Variants in SYCP1 observed in about 807,000 individuals in gnomAD.
SYCP1 encodes the protein synaptonemal complex protein 1.
A neutral mutation model predicts 153.1 loss-of-function variants in SYCP1; 64 were observed. That is an observed-to-expected ratio of 0.42 (90% CI 0.34 to 0.51). The LOEUF is 0.51. Ranked by LOEUF, SYCP1 falls within the 20% of genes least tolerant of loss-of-function variation. The probability of loss-of-function intolerance (pLI) is 0.06; values close to 1 mark genes in which losing one functional copy is unlikely to be tolerated. For missense variants in SYCP1, 997 were observed against 1,049.0 expected (o/e 0.95, Z 0.68); for synonymous variants, 384 against 341.8 (o/e 1.12, Z -1.36).
chr1:114,889,238 G>A (rs936841960), intron 15 of SYCP1, among the ~76,000 whole-genome samples: 1 of 152,106 alleles, frequency 6.6e-6, no homozygotes, highest in African/African-American at 2.4e-5. Context: ...GGATTGCTGG[G>A]TCAAATGGTA....
At chr1:114,960,289 T>G (rs1671703200) in intron 27 of SYCP1, among the ~76,000 whole-genome samples, 1 of 147,554 alleles carries the variant, frequency 6.8e-6, no homozygotes, top group Admixed American at 6.8e-5. Flanking sequence ...TGCCTCAGCC[T>G]CCCGAGTAGC....
chr1:114,979,689 T>A (rs1673029352), intron 28 of SYCP1, among the ~76,000 whole-genome samples: 2 of 151,838 alleles, frequency 1.3e-5, no homozygotes, highest in South Asian at 4.1e-4. Context: ...AATGCAATTC[T>A]GAAAAAATTC....
intron 20 of SYCP1, among the ~76,000 whole-genome samples, chr1:114,921,394 C>T (rs1300701026): frequency 3.3e-5 from 5 of 151,792 alleles, no homozygotes; most frequent in Non-Finnish European, 5.9e-5. Flanking sequence ...ACTTAAGATA[C>T]GAGGCCAGGT....
At chr1:114,858,198 A>C (rs1664142905) in intron 5 of SYCP1, among the ~76,000 whole-genome samples, 1 of 152,122 alleles carries the variant, frequency 6.6e-6, no homozygotes, top group African/African-American at 2.4e-5. Context: ...AACTGTTTGT[A>C]TAATCAAAGT....
intron 27 of SYCP1, among the ~76,000 whole-genome samples, chr1:114,950,403 A>G (rs1402290309): frequency 6.6e-6 from 1 of 152,180 alleles, no homozygotes; most frequent in African/African-American, 2.4e-5. Flanking sequence ...GATTTATTGT[A>G]TACCTAAATT....
chr1:114,936,240 G>A (rs1417107524), intron 23 of SYCP1, among the ~76,000 whole-genome samples: 1 of 152,170 alleles, frequency 6.6e-6, no homozygotes, highest in East Asian at 1.9e-4. Flanking sequence ...ATGCAAGGCT[G>A]ATTCAACATA....
chr1:114,975,158 A>G (rs1030679125), intron 27 of SYCP1, among the ~76,000 whole-genome samples: 1 of 151,716 alleles, frequency 6.6e-6, no homozygotes, highest in Non-Finnish European at 1.5e-5. Flanking sequence ...TCTTTTGCCC[A>G]TTTTTGAATT....
chr1:114,912,241 T>A (rs1668228991), intron 18 of SYCP1, among the ~76,000 whole-genome samples: 1 of 152,018 alleles, frequency 6.6e-6, no homozygotes, highest in African/African-American at 2.4e-5. Context: ...ATCTATTAAC[T>A]AATGTCCCTT....
Position 114,981,336 on chromosome 1 carries a change from A to G in SYCP1, c.2383A>G (p.Lys795Glu). Residue 795 changes from lysine (K) to glutamate (E), a missense_variant and splice_region_variant, in exon 29 of 32, where the codon AAA becomes GAA. Around this residue, in one of 2 missense-constraint regions of SYCP1, gnomAD observed 712 missense variants for 682.9 expected, o/e 1.04. Coordinates refer to ENST00000369522, the MANE Select transcript of SYCP1 (RefSeq NM_003176.4). ...TATLKEKKDK[K>E]TQTFLLETPE... ...TATTCATTCTTGTTGTTCAATGCAG[A>G]AAACACAAACATTTTTATTGGAAAC... is the stretch of plus-strand genomic sequence containing the variant. 1 of 1,583,850 alleles carries G rather than the reference A, an allele frequency of 6.3e-7. No individual in the cohort carries two copies. Among genetic ancestry groups the G allele is most frequent in the Non-Finnish European group, 8.6e-7 (1 of 1,168,184 alleles).
chr1:114,891,800 T>A (rs1666719882), intron 15 of SYCP1, among the ~76,000 whole-genome samples: 1 of 152,222 alleles, frequency 6.6e-6, no homozygotes, highest in African/African-American at 2.4e-5. Flanking sequence ...GCTTAGATGT[T>A]TATTCCTTAT....
At chr1:114,943,616 C>T (rs542646607) in intron 23 of SYCP1, among the ~76,000 whole-genome samples, 46 of 151,600 alleles carry the variant, frequency 3.0e-4, no homozygotes, top group Non-Finnish European at 5.9e-4. Flanking sequence ...TTTTTATGCT[C>T]GAAAGGGCAG....
intron 8 of SYCP1, among the ~76,000 whole-genome samples, chr1:114,866,590 C>T (rs1027760319): frequency 1.3e-5 from 2 of 151,990 alleles, no homozygotes; most frequent in Non-Finnish European, 2.9e-5. Flanking sequence ...AATTTTGAGT[C>T]TTTGTATATT....
rs1233944247 is a variant in SYCP1, at chr1:114,953,523, A to T, written c.2322+6203A>T. On this transcript the variant is annotated intron_variant, in intron 27 of 31. Coordinates refer to ENST00000369522, the MANE Select transcript of SYCP1 (RefSeq NM_003176.4). The stretch of plus-strand genomic sequence containing the variant: ...GTGAAGTTCAGTTTTTTGCCTATGG[A>T]TCTCAGATTGCTCTGTCACCAGCTG... Among the ~76,000 whole-genome samples the T allele has an allele frequency of 2.6e-5, 4 of 152,276 alleles. No individual in the cohort carries two copies. In the South Asian group the frequency reaches 6.2e-4, roughly 24 times the overall value.
chr1:114,871,125 A>G (rs138432795), intron 8 of SYCP1, among the ~76,000 whole-genome samples: 21 of 152,100 alleles, frequency 1.4e-4, no homozygotes, highest in African/African-American at 4.8e-4. Flanking sequence ...TACTGCTTCA[A>G]GGTTACAGTG....
chr1:114,920,465 T>G (rs1419364601), intron 20 of SYCP1, among the ~76,000 whole-genome samples: 4 of 152,150 alleles, frequency 2.6e-5, no homozygotes, highest in Non-Finnish European at 4.4e-5. Context: ...AATTGTTGGA[T>G]GAAATGTTCT....
At chr1:114,985,298 G>A (rs999568571) in intron 30 of SYCP1, among the ~76,000 whole-genome samples, 4 of 151,792 alleles carry the variant, frequency 2.6e-5, no homozygotes, top group African/African-American at 9.7e-5. Context: ...TTATATCAAG[G>A]TATTGGTTGA....
chr1:114,980,491 T>A (rs1298877536), intron 28 of SYCP1, among the ~76,000 whole-genome samples: 8 of 151,874 alleles, frequency 5.3e-5, no homozygotes, highest in Non-Finnish European at 1.0e-4. Flanking sequence ...TCCCTGAAAA[T>A]TTTTCTCATT....
rs1421394456 is a variant in SYCP1, at chr1:114,876,147, AG to A, written c.727+12del. On this transcript the variant is annotated intron_variant, in intron 10 of 31. Coordinates refer to ENST00000369522, the MANE Select transcript of SYCP1 (RefSeq NM_003176.4). The stretch of plus-strand genomic sequence containing the variant: ...GGAAATGCATTTTAAGTGTAGGTAT[AG>A]GGATCTTACTTAATTTTTATATTAC... 1 of 1,529,078 alleles carries A rather than the reference AG, an allele frequency of 6.5e-7. No homozygotes were observed. Among genetic ancestry groups the A allele is most frequent in the East Asian group, 2.3e-5 (1 of 43,318 alleles). 94.7% of individuals were successfully genotyped at this position (1,529,078 alleles called of 1,614,324 possible).
At chr1:114,932,975 C>G (rs539881503) in intron 23 of SYCP1, among the ~76,000 whole-genome samples, 1 of 152,186 alleles carries the variant, frequency 6.6e-6, no homozygotes, top group African/African-American at 2.4e-5. Flanking sequence ...GGGGGCAGGG[C>G]GTAGCTGAAC....
Sources: allele counts gnomAD v4.1 joint callset (sites outside exome capture counted in the v4.1 genomes callset), GRCh38; gene constraint gnomAD v4.1.1; regional missense constraint gnomAD v4.1.1; transcripts MANE v1.5; gene names NCBI Gene and HGNC (gene_info 2026-07-23, HGNC 2026-07-21).